PAPSS2: variants seen among roughly 807,000 people sequenced by gnomAD.
PAPSS2 encodes 3'-phosphoadenosine 5'-phosphosulfate synthase 2.
PAPSS2 carries 61 observed loss-of-function variants against 66.5 expected under a neutral mutation model. That is an observed-to-expected ratio of 0.92 (90% CI 0.75 to 1.14). The LOEUF is 1.14. Ranked by LOEUF, PAPSS2 falls within the 50% of genes most tolerant of loss-of-function variation. PAPSS2 has a pLI of 0.00. For synonymous variants in PAPSS2, 289 were observed against 287.5 expected, an observed-to-expected ratio of 1.01 and a Z score of -0.05; for missense variants, 708 against 789.6, an observed-to-expected ratio of 0.90 and a Z score of 1.24.
At chr10:87,686,491 C>A (rs1327023197) in intron 1 of PAPSS2, among the ~76,000 whole-genome samples, 1 of 152,124 alleles carries the variant, frequency 6.6e-6, no homozygotes, top group African/African-American at 2.4e-5. Context: ...TCACCTCACA[C>A]CCAGTACACA....
chr10:87,731,188 C>T (rs1853724499), intron 9 of PAPSS2, among the ~76,000 whole-genome samples: 1 of 152,130 alleles, frequency 6.6e-6, no homozygotes, highest in Admixed American at 6.5e-5. Flanking sequence ...TCTGAAAATC[C>T]TAGGGTCCTT....
chr10:87,713,791 C>T (rs1853498551), intron 3 of PAPSS2, among the ~76,000 whole-genome samples: 1 of 152,190 alleles, frequency 6.6e-6, no homozygotes, highest in African/African-American at 2.4e-5. Flanking sequence ...TAGAACACAT[C>T]CTTTGAATGA....
intron 9 of PAPSS2, among the ~76,000 whole-genome samples, chr10:87,736,323 A>C (rs2131726656): frequency 7.7e-6 from 1 of 129,972 alleles, no homozygotes; most frequent in East Asian, 2.2e-4. Context: ...GCTGGAGTGC[A>C]GTGGCGAGAC....
intron 11 of PAPSS2, among the ~76,000 whole-genome samples, chr10:87,744,437 C>G (rs1189002003): frequency 1.3e-5 from 2 of 152,180 alleles, no homozygotes; most frequent in African/African-American, 2.4e-5. Context: ...AGGGTCTCAA[C>G]CCTTTGGAAT....
chr10:87,695,128 C>T (rs528224392), intron 1 of PAPSS2, among the ~76,000 whole-genome samples: 1 of 134,208 alleles, frequency 7.5e-6, no homozygotes, highest in Non-Finnish European at 1.6e-5. Context: ...ATACCATACC[C>T]TGGTGGCTTA....
intron 1 of PAPSS2, among the ~76,000 whole-genome samples, chr10:87,679,966 C>G (rs1852998452): frequency 1.3e-5 from 2 of 149,896 alleles, no homozygotes; most frequent in South Asian, 4.2e-4. Flanking sequence ...GTCAAGGCTG[C>G]AGTGAGCCAC....
At chr10:87,660,142 G>C (rs545307476) in intron 1 of PAPSS2, 134 bp downstream of exon 1, 1 of 889,036 alleles carries the variant, frequency 1.1e-6, no homozygotes, top group Non-Finnish European at 1.8e-6. Context: ...AGTGGGGCAC[G>C]GAGGGAAGCA....
In PAPSS2 at chr10:87,706,511, C is replaced by T. The variant is rs184605356; in HGVS notation, c.28-2685C>T. Reference sequence around the variant, plus strand: ...GTGGCTTCTGCCTGTAATCCTAGTACTTTGGAAGGCTGAGGTGGGAGTATC... The same window carrying T: ...GTGGCTTCTGCCTGTAATCCTAGTATTTTGGAAGGCTGAGGTGGGAGTATC... On this transcript the variant is annotated intron_variant, in intron 1 of 12. Coordinates refer to ENST00000456849, the MANE Select transcript of PAPSS2 (RefSeq NM_001015880.2). 3.5e-4 allele frequency among the ~76,000 whole-genome samples: 52 copies of T among 149,698 alleles called. No homozygotes were observed. In the East Asian group the frequency reaches 4.3e-3, roughly 13 times the overall value.
chr10:87,661,723 C>T (rs150877239), intron 1 of PAPSS2, among the ~76,000 whole-genome samples: 25 of 152,178 alleles, frequency 1.6e-4, no homozygotes, highest in African/African-American at 5.1e-4. Context: ...ATTTGAGGGC[C>T]GGAGGGTTTG....
chr10:87,727,929 C>T lies in PAPSS2; in HGVS notation c.1086+440C>T, dbSNP rs937872213. Among the ~76,000 whole-genome samples the T allele has an allele frequency of 2.0e-5, 3 of 152,102 alleles. No individual in the cohort carries two copies. The East Asian group carries it at 5.8e-4, about 29-fold the overall frequency. On this transcript the variant is annotated intron_variant, in intron 9 of 12. Coordinates refer to ENST00000456849, the MANE Select transcript of PAPSS2 (RefSeq NM_001015880.2). ...CTGGAACAAGAACTCAGAGTTCATG[C>T]TCTGTGGCTAGTGAGGGGGTCAATG... is the stretch of plus-strand genomic sequence containing the variant.
In PAPSS2 at chr10:87,713,208, T is replaced by A. The variant is rs773129247; in HGVS notation, c.279T>A (p.Pro93=). 6.2e-7 allele frequency: 1 copy of A among 1,609,496 alleles called. No individual in the cohort carries two copies. Among genetic ancestry groups the A allele is most frequent in the African/African-American group, 1.4e-5 (1 of 73,776 alleles). ...HGLNRNLGFS[P]GDREENIRRI... ...TTAACAGAAATCTCGGATTCTCTCC[T>A]GGGGACAGAGAGGAAAATATCCGCC... The change falls in exon 3 of 13, where the codon CCT becomes CCA. Residue 93 remains proline, a synonymous_variant. Transcript: ENST00000456849.
intron 9 of PAPSS2, among the ~76,000 whole-genome samples, chr10:87,728,458 G>A (rs965773574): frequency 1.3e-5 from 2 of 152,212 alleles, no homozygotes; most frequent in Middle Eastern, 3.2e-3. Flanking sequence ...GGAGAGGCCA[G>A]GCTGGGCGCG....
In PAPSS2 at chr10:87,714,082, G is replaced by A. The variant is rs778626518; in HGVS notation, c.420G>A (p.Gly140=). The stretch of plus-strand genomic sequence containing the variant: ...CCCGCAAAATACATGAATCAGCAGG[G>A]CTGCCATTCTTTGAAATATTTGTAG... ...ENARKIHESA[G]LPFFEIFVDA... Residue 140 remains glycine (G), a synonymous_variant, in exon 4 of 13, where the codon GGG becomes GGA. Transcript: ENST00000456849. 5 of 1,613,920 alleles carry A rather than the reference G, an allele frequency of 3.1e-6. No individual in the cohort carries two copies. Among genetic ancestry groups the A allele is most frequent in the Non-Finnish European group, 4.2e-6 (5 of 1,179,850 alleles).
chr10:87,736,566 A>G (rs934962728), intron 9 of PAPSS2, among the ~76,000 whole-genome samples: 1 of 152,056 alleles, frequency 6.6e-6, no homozygotes, highest in East Asian at 1.9e-4. Flanking sequence ...ATGCCCGACC[A>G]TGTTTTTCTT....
intron 11 of PAPSS2, among the ~76,000 whole-genome samples, chr10:87,744,464 A>G (rs1459052146): frequency 6.6e-6 from 1 of 152,200 alleles, no homozygotes; most frequent in East Asian, 1.9e-4. Context: ...AACTGAGTTT[A>G]ATGAATTAAT....
intron 11 of PAPSS2, among the ~76,000 whole-genome samples, chr10:87,744,485 CAGATA>C (rs1217830039): frequency 3.3e-5 from 5 of 152,136 alleles, no homozygotes; most frequent in Admixed American, 6.5e-5. Flanking sequence ...TCTCTTCAAT[CAGATA>C]AAAGTTCCAG....
At chr10:87,701,185 A>G (rs1853299162) in intron 1 of PAPSS2, among the ~76,000 whole-genome samples, 1 of 151,588 alleles carries the variant, frequency 6.6e-6, no homozygotes, top group South Asian at 2.1e-4. Flanking sequence ...GATACAAAGC[A>G]TAGAAAAAAG....
intron 8 of PAPSS2, among the ~76,000 whole-genome samples, chr10:87,723,757 A>G (rs1238057662): frequency 6.6e-6 from 1 of 152,212 alleles, no homozygotes; most frequent in Non-Finnish European, 1.5e-5. Context: ...ATATGCCTGG[A>G]AAGTTTAGTT....
At chr10:87,740,502 A>G (rs1010165743) in intron 9 of PAPSS2, among the ~76,000 whole-genome samples, 9 of 152,204 alleles carry the variant, frequency 5.9e-5, no homozygotes, top group African/African-American at 2.2e-4. Context: ...TAATATTGCA[A>G]AATCATTCAT....
Sources: gnomAD v4.1 joint callset for allele counts (sites outside exome capture counted in the v4.1 genomes callset) on GRCh38, gnomAD v4.1.1 for gene constraint, MANE v1.5 for transcripts, NCBI Gene and HGNC (gene_info 2026-07-23, HGNC 2026-07-21) for gene names.